KNTC1: variants seen among roughly 807,000 people sequenced by gnomAD.
KNTC1 encodes kinetochore associated 1.
KNTC1 carries 253 observed loss-of-function variants against 314.4 expected under a neutral mutation model. That is an observed-to-expected ratio of 0.80 (90% confidence interval 0.73 to 0.89). KNTC1 has a LOEUF of 0.89. Among genes scored for constraint, KNTC1 ranks in the 40% least tolerant of loss-of-function variants. KNTC1 has a pLI of 0.00. For missense variants in KNTC1, 2,475 were observed against 2,572.9 expected, an observed-to-expected ratio of 0.96 and a Z score of 0.82; for synonymous variants, 901 against 901.4, an observed-to-expected ratio of 1.00 and a Z score of 0.01.
intron 2 of KNTC1, among the ~76,000 whole-genome samples, chr12:122,533,694 C>T (rs923553282): frequency 5.3e-5 from 8 of 152,028 alleles, no homozygotes; most frequent in African/African-American, 1.9e-4. Context: ...GAGACCCTGT[C>T]TCAAAATAAA....
Position 122,622,402 on chromosome 12 carries a change from T to C in KNTC1, c.6370-60T>C, listed in dbSNP as rs2138198349. On this transcript the variant is annotated intron_variant, in intron 61 of 63. Transcript: ENST00000333479. ...GGCTTGATACCTGTCATTCTATAGATTAGAAGTCTGATTCTAATAGATTAG... is the reference window on the plus strand; with the variant it reads ...GGCTTGATACCTGTCATTCTATAGACTAGAAGTCTGATTCTAATAGATTAG... The C allele has an allele frequency of 2.9e-6, 4 of 1,360,488 alleles. 1 individual carries two copies. In the Middle Eastern group the frequency reaches 7.6e-4, roughly 257 times the overall value. The allele number at this position is 1,360,488 out of a possible 1,614,324, so 84.3% of individuals were successfully genotyped here. A position where few individuals can be genotyped will look rare whatever the true frequency, so the allele number is the denominator to read the frequency against.
rs190859355 is a variant in KNTC1 at position 122,582,837 on chromosome 12, A to G, written c.3115A>G (p.Ile1039Val). Residue 1039 changes from isoleucine to valine, a missense_variant, in exon 34 of 64, where the codon ATA (isoleucine) becomes GTA (valine). Ile to Val is a conservative substitution (Grantham distance 29). Transcript: ENST00000333479. ...KHKPGSTPEP[I>V]AAEVRSPSME... Reference sequence around the variant, plus strand: ...CAAACCTGGGAGCACCCCAGAGCCCATAGCTGCTGAGGTGAGGAGCCCAAG... The same window carrying G: ...CAAACCTGGGAGCACCCCAGAGCCCGTAGCTGCTGAGGTGAGGAGCCCAAG... 358 of 1,612,120 alleles carry G rather than the reference A, an allele frequency of 2.2e-4. 2 individuals are homozygous for G. In the East Asian group the frequency reaches 7.4e-3, roughly 33 times the overall value.
intron 20 of KNTC1, 79 bp from the exon 21 acceptor site, chr12:122,568,182 C>T: frequency 1.4e-6 from 1 of 702,966 alleles, no homozygotes; most frequent in East Asian, 2.6e-5. Flanking sequence ...AATTAAAATG[C>T]ATTTAAAGAT....
intron 2 of KNTC1, among the ~76,000 whole-genome samples, chr12:122,531,511 A>G (rs1023887132): frequency 1.3e-5 from 2 of 152,024 alleles, no homozygotes; most frequent in African/African-American, 2.4e-5. Flanking sequence ...ACCGCTTTAA[A>G]TGTACCATGA....
At chr12:122,541,652 GTCTTTCTC>G (rs1962348622) in intron 5 of KNTC1, among the ~76,000 whole-genome samples, 1 of 132,536 alleles carries the variant, frequency 7.5e-6, no homozygotes, top group South Asian at 2.5e-4. Flanking sequence ...GCCTCTTTCT[GTCTTTCTC>G]TCTTTCTTCA....
chr12:122,619,728 C>A (rs1874206591), intron 59 of KNTC1, among the ~76,000 whole-genome samples: 2 of 151,440 alleles, frequency 1.3e-5, no homozygotes, highest in South Asian at 4.2e-4. Flanking sequence ...TGTTTTTATA[C>A]CAAAATATCT....
intron 29 of KNTC1, among the ~76,000 whole-genome samples, chr12:122,576,190 G>A (rs1965006533): frequency 6.6e-6 from 1 of 152,064 alleles, no homozygotes; most frequent in Admixed American, 6.5e-5. Context: ...CTCCTGAGTA[G>A]CTGGGATTAC....
At chr12:122,536,965 C>T (rs1040952696) in intron 3 of KNTC1, among the ~76,000 whole-genome samples, 3 of 152,198 alleles carry the variant, frequency 2.0e-5, no homozygotes, top group Admixed American at 6.5e-5. Flanking sequence ...GGAACCTTGA[C>T]GTATTGACCC....
At chr12:122,615,399 A>G (rs944182809) in intron 56 of KNTC1, 71 bp from the exon 57 acceptor site, 64 of 1,257,008 alleles carry the variant, frequency 5.1e-5, no homozygotes, top group Non-Finnish European at 6.6e-5. Context: ...GAACTTTAAC[A>G]TCTGGTATTT....
At chr12:122,565,804 G>A (rs905180258) in intron 20 of KNTC1, among the ~76,000 whole-genome samples, 1 of 152,064 alleles carries the variant, frequency 6.6e-6, no homozygotes, top group Non-Finnish European at 1.5e-5. Flanking sequence ...AGGATCACCT[G>A]AGCCTGGGAG....
intron 4 of KNTC1, 70 bp from the exon 5 acceptor site, chr12:122,539,606 T>C: frequency 9.1e-7 from 1 of 1,094,040 alleles, no homozygotes; most frequent in Non-Finnish European, 1.3e-6. Context: ...ACTCTAGAGT[T>C]TAAAGAATAA....
chr12:122,616,076 A>T (rs561372471), intron 57 of KNTC1, among the ~76,000 whole-genome samples: 2 of 152,250 alleles, frequency 1.3e-5, no homozygotes, highest in South Asian at 4.1e-4. Context: ...TACATTTCAC[A>T]TAAGTTGTGT....
At chr12:122,584,507 C>G in intron 35 of KNTC1, 57 bp downstream of exon 35, 1 of 1,306,902 alleles carries the variant, frequency 7.7e-7, no homozygotes, top group Non-Finnish European at 1.1e-6. Context: ...TCATACTTGT[C>G]TCCCAAATGC....
intron 5 of KNTC1, among the ~76,000 whole-genome samples, chr12:122,541,327 T>TCCTTCCTTCCTTCCTC: frequency 7.7e-6 from 1 of 130,316 alleles, no homozygotes; most frequent in African/African-American, 3.9e-5. Context: ...CTTCCTTCCG[T>TCCTTCCTTCCTTCCTC]CCTTCCTCTG....
chr12:122,597,229 G>T, intron 43 of KNTC1: 1 of 153,546 alleles, frequency 6.5e-6, no homozygotes, highest in Non-Finnish European at 1.4e-5. Context: ...CACCCACCAG[G>T]AATAATACCT....
At position 122,608,455 on chromosome 12, in the gene KNTC1, T is replaced by G. The variant is rs564073153; in HGVS notation, c.5497-929T>G. ...ACCATTAGGTTTTTAATTAGCAATT[T>G]TTATATCATTTGGCATTTGATTCAA... On this transcript the variant is annotated intron_variant, in intron 51 of 63. Transcript: ENST00000333479. Among the ~76,000 whole-genome samples the G allele has an allele frequency of 9.8e-5, 15 of 152,290 alleles. No individual in the cohort carries two copies. In the South Asian group the frequency reaches 2.7e-3, roughly 27 times the overall value.
chr12:122,619,558 G>A (rs1253081731), intron 59 of KNTC1, among the ~76,000 whole-genome samples: 1 of 151,730 alleles, frequency 6.6e-6, no homozygotes, highest in East Asian at 1.9e-4. Context: ...GACTACAGGC[G>A]CCCACCACCA....
intron 3 of KNTC1, among the ~76,000 whole-genome samples, chr12:122,536,192 G>A (rs940260668): frequency 2.0e-5 from 3 of 148,912 alleles, no homozygotes; most frequent in African/African-American, 5.0e-5. Flanking sequence ...CATGAGCCAC[G>A]ACACCCGACC....
chr12:122,546,709 T>C, intron 10 of KNTC1, 35 bp downstream of exon 10: 1 of 1,354,376 alleles, frequency 7.4e-7, no homozygotes, highest in Non-Finnish European at 1.0e-6. Flanking sequence ...TGTTTTTACT[T>C]GATATGTTTT....
Sources: allele counts gnomAD v4.1 joint callset (sites outside exome capture counted in the v4.1 genomes callset), GRCh38; gene constraint gnomAD v4.1.1; transcripts MANE v1.5; gene names NCBI Gene and HGNC (gene_info 2026-07-23, HGNC 2026-07-21).